ERC1: variants seen among roughly 807,000 people sequenced by gnomAD.
ERC1 encodes the protein ELKS/RAB6-interacting/CAST family member 1.
A neutral mutation model predicts 132.0 loss-of-function variants in ERC1; 56 were observed. The observed-to-expected ratio is 0.42, with a 90% CI of 0.34 to 0.53. ERC1 has a LOEUF of 0.53. Ranked by LOEUF, ERC1 falls within the 20% of genes least tolerant of loss-of-function variation. The pLI, the probability that ERC1 is intolerant of heterozygous loss-of-function variation, is 0.03. For synonymous variants in ERC1, 478 were observed against 476.1 expected (o/e 1.00, Z -0.05); for missense variants, 1,202 against 1,349.9 (o/e 0.89, Z 1.72).
intron 1 of ERC1, among the ~76,000 whole-genome samples, chr12:997,307 G>A (rs147488425): frequency 3.3e-5 from 5 of 152,314 alleles, no homozygotes; most frequent in African/African-American, 7.2e-5. Context: ...TTATGTATAC[G>A]TCAGCTAGGC....
chr12:1,415,319 A>G (rs746513705), intron 17 of ERC1, among the ~76,000 whole-genome samples: 3 of 152,238 alleles, frequency 2.0e-5, no homozygotes, highest in Middle Eastern at 3.2e-3. Flanking sequence ...TGGTCTTGGT[A>G]TAAGAACATG....
At position 1,271,198 on chromosome 12, in the gene ERC1, G is replaced by A. The variant is rs529736712; in HGVS notation, c.2619+8033G>A. Among the ~76,000 whole-genome samples the A allele has an allele frequency of 9.2e-5, 14 of 152,310 alleles. No homozygotes were observed. The South Asian group carries it at 2.7e-3, about 29-fold the overall frequency. ...ATCATAGTTGTATAAACTCTTTTAG[G>A]AGGTATAGAAGCAAAAATGTGTAGA... On this transcript the variant is annotated intron_variant, in intron 14 of 18. Coordinates refer to ENST00000360905, the MANE Select transcript of ERC1 (RefSeq NM_178040.4).
chr12:1,014,361 A>G (rs993915490), intron 1 of ERC1, among the ~76,000 whole-genome samples: 23 of 151,928 alleles, frequency 1.5e-4, no homozygotes, highest in African/African-American at 5.1e-4. Flanking sequence ...TTTTTGGTAG[A>G]GACGGGGTTT....
intron 11 of ERC1, among the ~76,000 whole-genome samples, chr12:1,184,137 C>CAA (rs75254476): frequency 1.2e-3 from 104 of 83,860 alleles, no homozygotes; most frequent in Middle Eastern, 6.6e-3. Flanking sequence ...CTCCATCTCA[C>CAA]AAAAAAAAAA....
intron 14 of ERC1, among the ~76,000 whole-genome samples, chr12:1,263,408 A>G (rs2077266749): frequency 6.6e-6 from 1 of 152,184 alleles, no homozygotes; most frequent in Non-Finnish European, 1.5e-5. Context: ...ATTGATGAAC[A>G]TTTTGCAGAA....
rs78370626 is a variant in ERC1 at position 1,179,230 on chromosome 12, A to G, written c.1738-1310A>G. ...CTGATACAAACTCTAATGGTTTTCCATGTCTATATGCGAGTCCTCTTAAGT... is the reference window on the plus strand; with the variant it reads ...CTGATACAAACTCTAATGGTTTTCCGTGTCTATATGCGAGTCCTCTTAAGT... On this transcript the variant is annotated intron_variant, in intron 8 of 18. Transcript: ENST00000360905. 3.7e-3 allele frequency among the ~76,000 whole-genome samples: 570 copies of G among 152,268 alleles called. 4 individuals carry two copies. Among genetic ancestry groups the G allele is most frequent in the African/African-American group, 0.013 (540 of 41,544 alleles).
intron 1 of ERC1, among the ~76,000 whole-genome samples, chr12:1,024,665 A>G (rs890853740): frequency 2.6e-5 from 4 of 152,136 alleles, no homozygotes; most frequent in Non-Finnish European, 5.9e-5. Context: ...ACCTAAGCCA[A>G]TGCTTTGAAA....
intron 18 of ERC1, among the ~76,000 whole-genome samples, chr12:1,470,996 G>A (rs2093849369): frequency 6.6e-6 from 1 of 152,212 alleles, no homozygotes; most frequent in Admixed American, 6.5e-5. Context: ...TCAGACCAAT[G>A]TAAATCTCCT....
chr12:1,394,046 C>CAAAAAAAAA (rs1555389413), intron 16 of ERC1, among the ~76,000 whole-genome samples: 19 of 70,836 alleles, frequency 2.7e-4, no homozygotes, highest in African/African-American at 8.5e-4. Flanking sequence ...AAAAAAAAAC[C>CAAAAAAAAA]ACAAAGCATT....
intron 1 of ERC1, among the ~76,000 whole-genome samples, chr12:1,020,371 C>T (rs1389543077): frequency 6.6e-6 from 1 of 152,160 alleles, no homozygotes; most frequent in African/African-American, 2.4e-5. Flanking sequence ...GCAGGAGAAT[C>T]GCTTGAACCT....
At position 1,424,121 on chromosome 12, in the gene ERC1, C is replaced by T. The variant is rs142940214; in HGVS notation, c.3024+15874C>T. 1.1e-4 allele frequency among the ~76,000 whole-genome samples: 17 copies of T among 152,220 alleles called. No homozygotes were observed. The East Asian group carries it at 2.1e-3, about 19-fold the overall frequency. On this transcript the variant is annotated intron_variant, in intron 17 of 18. Coordinates refer to ENST00000360905, the MANE Select transcript of ERC1 (RefSeq NM_178040.4). The stretch of plus-strand genomic sequence containing the variant: ...GAGATGCTGTGGATAAAATAGTACT[C>T]ACTTCAGGAAGTTAGTTACCTCCAA...
At chr12:1,075,046 ATC>A (rs1005831418) in intron 2 of ERC1, among the ~76,000 whole-genome samples, 12 of 152,132 alleles carry the variant, frequency 7.9e-5, no homozygotes, top group African/African-American at 2.9e-4. Context: ...CAGGAAATAA[ATC>A]TCTGTCATTA....
chr12:1,399,004 G>A (rs1321283829), intron 16 of ERC1, among the ~76,000 whole-genome samples: 2 of 131,832 alleles, frequency 1.5e-5, no homozygotes, highest in Admixed American at 1.7e-4. Context: ...GGAGAGCAAT[G>A]GTGCGATCAT....
In ERC1 at chr12:1,495,679, CCCTTGTAG is replaced by C. The variant is rs1237304736; in HGVS notation, c.*5451_*5458del. 2 of 225,076 alleles carry C rather than the reference CCCTTGTAG, an allele frequency of 8.9e-6. No individual in the cohort carries two copies. Among genetic ancestry groups the C allele is most frequent in the African/African-American group, 4.5e-5 (2 of 44,836 alleles). 13.9% of individuals were successfully genotyped at this position (225,076 alleles called of 1,614,324 possible). On this transcript the variant is annotated 3_prime_UTR_variant, in exon 19 of 19. Transcript: ENST00000360905. ...GTGGAGGAGCTGAGGAGCACCTGCC[CCCTTGTAG>C]CTTGAGTTCCTTTTGGTAACAGTAG...
intron 16 of ERC1, among the ~76,000 whole-genome samples, chr12:1,399,008 C>T (rs1218191358): frequency 3.2e-5 from 4 of 125,878 alleles, no homozygotes; most frequent in Admixed American, 9.9e-5. Context: ...AGCAATGGTG[C>T]GATCATGACC....
chr12:1,483,030 C>G (rs1434491260), intron 18 of ERC1, among the ~76,000 whole-genome samples: 1 of 152,156 alleles, frequency 6.6e-6, no homozygotes, highest in African/African-American at 2.4e-5. Context: ...GGCATGGTGG[C>G]TCACGCCTGT....
chr12:1,382,620 T>G (rs1022679902), intron 16 of ERC1, among the ~76,000 whole-genome samples: 2 of 152,228 alleles, frequency 1.3e-5, no homozygotes, highest in Non-Finnish European at 2.9e-5. Context: ...TAATATTGGG[T>G]GGATAGATCA....
chr12:1,098,553 G>C (rs1200810716), intron 3 of ERC1, among the ~76,000 whole-genome samples: 2 of 152,210 alleles, frequency 1.3e-5, no homozygotes, highest in African/African-American at 4.8e-5. Context: ...GGAGAGCTTT[G>C]GTGTTTGGCT....
intron 2 of ERC1, among the ~76,000 whole-genome samples, chr12:1,033,278 C>T (rs993541854): frequency 2.0e-5 from 3 of 151,998 alleles, no homozygotes; most frequent in African/African-American, 7.3e-5. Flanking sequence ...CCTCATGATC[C>T]GCCCACCTCA....
Sources: gnomAD v4.1 joint callset for allele counts (sites outside exome capture counted in the v4.1 genomes callset) on GRCh38, gnomAD v4.1.1 for gene constraint, MANE v1.5 for transcripts, NCBI Gene and HGNC (gene_info 2026-07-23, HGNC 2026-07-21) for gene names.